PAK4: variants seen among roughly 807,000 people sequenced by gnomAD.
The protein encoded by PAK4 is p21 (RAC1) activated kinase 4, also known as serine/threonine-protein kinase PAK 4.
PAK4 carries 49 observed loss-of-function variants against 53.5 expected under a neutral mutation model. The observed-to-expected ratio is 0.92, with a 90% CI of 0.73 to 1.16. PAK4 has a LOEUF of 1.16. PAK4 is among the 50% of genes most tolerant of loss of function. The pLI, the probability that PAK4 is intolerant of heterozygous loss-of-function variation, is 0.00. For synonymous variants in PAK4, 376 were observed against 375.6 expected (o/e 1.00, Z -0.01); for missense variants, 824 against 850.7 (o/e 0.97, Z 0.39).
chr19:39,176,326 G>T (rs1450363338), intron 6 of PAK4, among the ~76,000 whole-genome samples: 3 of 152,192 alleles, frequency 2.0e-5, no homozygotes, highest in Non-Finnish European at 4.4e-5. Context: ...CAGTACTCAG[G>T]CCAGTGTCCC....
At chr19:39,176,334 C>A (rs762653417) in intron 6 of PAK4, among the ~76,000 whole-genome samples, 2 of 152,210 alleles carry the variant, frequency 1.3e-5, no homozygotes, top group Non-Finnish European at 2.9e-5. Flanking sequence ...AGGCCAGTGT[C>A]CCCAAAAGCC....
rs551966033 is a variant in PAK4 at position 39,170,244 on chromosome 19, C to T, written c.204+487C>T. Reference sequence around the variant, plus strand: ...GCAAGCTTCTGGGAGGAGGGGACACCGAGGCAGAGCCCAGGGCTGAGGAGG... The same window carrying T: ...GCAAGCTTCTGGGAGGAGGGGACACTGAGGCAGAGCCCAGGGCTGAGGAGG... On this transcript the variant is annotated intron_variant, in intron 2 of 8. Transcript: ENST00000358301. Among the ~76,000 whole-genome samples the T allele has an allele frequency of 3.3e-4, 50 of 152,186 alleles. 1 individual carries two copies. Among genetic ancestry groups the T allele is most frequent in the Admixed American group, 2.9e-3 (44 of 15,286 alleles).
intron 1 of PAK4, among the ~76,000 whole-genome samples, chr19:39,159,782 T>C (rs899065703): frequency 1.3e-5 from 2 of 152,196 alleles, no homozygotes; most frequent in South Asian, 2.1e-4. Context: ...GCACAGTCCA[T>C]GCAGAGGCCT....
At chr19:39,130,502 G>C (rs994094127) in intron 1 of PAK4, among the ~76,000 whole-genome samples, 5 of 152,080 alleles carry the variant, frequency 3.3e-5, no homozygotes, top group Non-Finnish European at 7.4e-5. Flanking sequence ...TGGAAAGAAT[G>C]TAACAGGTCA....
chr19:39,134,611 T>G (rs2073776380), intron 1 of PAK4, among the ~76,000 whole-genome samples: 1 of 151,902 alleles, frequency 6.6e-6, no homozygotes, highest in African/African-American at 2.4e-5. Flanking sequence ...ATTCTTTTTT[T>G]TTCTTTGACA....
chr19:39,154,141 G>A (rs2074137904), intron 1 of PAK4, among the ~76,000 whole-genome samples: 2 of 152,038 alleles, frequency 1.3e-5, no homozygotes, highest in African/African-American at 2.4e-5. Context: ...CTGGGGACGA[G>A]CATTTGTCTT....
chr19:39,130,930 C>G (rs2073698020), intron 1 of PAK4, among the ~76,000 whole-genome samples: 1 of 151,364 alleles, frequency 6.6e-6, no homozygotes, highest in African/African-American at 2.4e-5. Flanking sequence ...CTGTGACAGT[C>G]CAAGCAGAAG....
chr19:39,171,713 C>T (rs1600397583), intron 2 of PAK4, among the ~76,000 whole-genome samples: 2 of 151,990 alleles, frequency 1.3e-5, no homozygotes, highest in Non-Finnish European at 2.9e-5. Context: ...GTCCGGGTTT[C>T]GTGGGATCAG....
At position 39,153,872 on chromosome 19, in the gene PAK4, C is replaced by T. The variant is rs368981057; in HGVS notation, c.-22-15660C>T. Among the ~76,000 whole-genome samples, 84 of 152,248 alleles carry T rather than the reference C, an allele frequency of 5.5e-4. 1 individual carries two copies. In the South Asian group the frequency reaches 0.015, roughly 27 times the overall value. On this transcript the variant is annotated intron_variant, in intron 1 of 8. Transcript: ENST00000358301. ...TGCTGGGATTACAGGCATGAGCCAC[C>T]GTGCCCAGTCCAACTCTCCTGACTT...
At chr19:39,155,366 G>T (rs1228266508) in intron 1 of PAK4, among the ~76,000 whole-genome samples, 4 of 152,180 alleles carry the variant, frequency 2.6e-5, no homozygotes, top group Admixed American at 2.6e-4. Flanking sequence ...GTGACAGCCT[G>T]GGTGCTCAGG....
At chr19:39,127,234 C>T (rs1464489275) in intron 1 of PAK4, among the ~76,000 whole-genome samples, 1 of 151,916 alleles carries the variant, frequency 6.6e-6, no homozygotes, top group Non-Finnish European at 1.5e-5. Context: ...TCACTGTGGT[C>T]CTTAGTCACT....
chr19:39,127,534 C>T (rs564411176), intron 1 of PAK4, among the ~76,000 whole-genome samples: 6 of 152,116 alleles, frequency 3.9e-5, no homozygotes, highest in Non-Finnish European at 5.9e-5. Flanking sequence ...TTCCTTGCCT[C>T]GGTCCCCACT....
At chr19:39,153,873 G>A (rs918289081) in intron 1 of PAK4, among the ~76,000 whole-genome samples, 14 of 152,180 alleles carry the variant, frequency 9.2e-5, no homozygotes, top group South Asian at 6.2e-4. Context: ...ATGAGCCACC[G>A]TGCCCAGTCC....
chr19:39,180,339 T>C (rs2074687546), downstream of PAK4: 1 of 151,912 alleles, frequency 6.6e-6, no homozygotes, highest in African/African-American at 2.4e-5. Flanking sequence ...AATGCTAACA[T>C]TGGCAAAAGA....
intron 1 of PAK4, among the ~76,000 whole-genome samples, chr19:39,165,218 T>TAATAATAATAATAATAATAAGAAG (rs2074351751): frequency 6.7e-6 from 1 of 148,388 alleles, no homozygotes; most frequent in Non-Finnish European, 1.5e-5. Context: ...ATAATAATAA[T>TAATAATAATAATAATAATAAGAAG]AAGGCCGGGC....
chr19:39,159,707 G>C (rs994747040), intron 1 of PAK4, among the ~76,000 whole-genome samples: 4 of 152,214 alleles, frequency 2.6e-5, no homozygotes, highest in Non-Finnish European at 4.4e-5. Context: ...CAGTTTGAAG[G>C]AAGAGGAAGG....
At chr19:39,150,127 A>C (rs2074068913) in intron 1 of PAK4, among the ~76,000 whole-genome samples, 1 of 152,126 alleles carries the variant, frequency 6.6e-6, no homozygotes, top group Non-Finnish European at 1.5e-5. Context: ...TTTTGAAACC[A>C]GCTAGGTATG....
rs181949775 is a variant in PAK4, at chr19:39,165,819, G to A, written c.-22-3713G>A. On this transcript the variant is annotated intron_variant, in intron 1 of 8. Transcript: ENST00000358301. ...ACGGGATTAGACGCACAGCAGGGCC[G>A]GAACCCGCGAATCTCTGCAGACAGG... 4.5e-3 allele frequency among the ~76,000 whole-genome samples: 682 copies of A among 152,320 alleles called. 7 individuals carry two copies. The highest frequency in any genetic ancestry group is 0.016 in the African/African-American group (649 of 41,566).
intron 7 of PAK4, among the ~76,000 whole-genome samples, chr19:39,176,972 G>A (rs1373443965): frequency 2.6e-5 from 4 of 151,984 alleles, no homozygotes; most frequent in South Asian, 2.1e-4. Context: ...GGGTTCAAGC[G>A]ATTCTCCTGC....
Sources: allele counts gnomAD v4.1 joint callset (sites outside exome capture counted in the v4.1 genomes callset), GRCh38; gene constraint gnomAD v4.1.1; transcripts MANE v1.5; gene names NCBI Gene and HGNC (gene_info 2026-07-23, HGNC 2026-07-21).